IGF1: variants seen among roughly 807,000 people sequenced by gnomAD.
IGF1 encodes insulin like growth factor 1.
In IGF1, 4 loss-of-function variants were observed where a neutral mutation model predicts 13.8. The observed-to-expected ratio is 0.29, with a 90% CI of 0.14 to 0.66. IGF1 has a LOEUF of 0.66. IGF1 is among the 30% of genes least tolerant of loss of function. The pLI is 0.78. For synonymous variants in IGF1, 76 were observed against 72.6 expected, an observed-to-expected ratio of 1.05 and a Z score of -0.23; for missense variants, 124 against 188.5, an observed-to-expected ratio of 0.66 and a Z score of 2.00.
At chr12:102,467,631 C>T (rs1434180579) in intron 2 of IGF1, among the ~76,000 whole-genome samples, 5 of 152,158 alleles carry the variant, frequency 3.3e-5, no homozygotes, top group Admixed American at 1.3e-4. Flanking sequence ...CAAATTTCCA[C>T]AGCGAGGGAG....
intron 3 of IGF1, among the ~76,000 whole-genome samples, chr12:102,403,219 A>ATCTACC (rs1400211971): frequency 6.6e-6 from 1 of 152,282 alleles, no homozygotes; most frequent in East Asian, 1.9e-4. Flanking sequence ...TAACAATAAT[A>ATCTACC]TCTACCTTAT....
intron 3 of IGF1, among the ~76,000 whole-genome samples, chr12:102,403,623 ATTTTTTTT>A (rs142169670): frequency 5.1e-4 from 41 of 80,606 alleles, no homozygotes; most frequent in South Asian, 2.1e-3. Flanking sequence ...TGCCTTGACA[ATTTTTTTT>A]TTTTTTTTTT....
chr12:102,441,954 T>TCTCCTTCTCCTTCTC (rs1877873480), intron 2 of IGF1, among the ~76,000 whole-genome samples: 1 of 140,386 alleles, frequency 7.1e-6, no homozygotes, highest in Non-Finnish European at 1.6e-5. Flanking sequence ...TTCTTCTTCT[T>TCTCCTTCTCCTTCTC]CTTTTTTTTT....
chr12:102,415,591 CTT>C, intron 3 of IGF1: 3 of 147,834 alleles, frequency 2.0e-5, no homozygotes, highest in African/African-American at 7.6e-5. Flanking sequence ...TCCTTCCTTC[CTT>C]CCTTCCCTCC....
chr12:102,448,910 G>C (rs1878637842), intron 2 of IGF1, among the ~76,000 whole-genome samples: 1 of 152,162 alleles, frequency 6.6e-6, no homozygotes, highest in African/African-American at 2.4e-5. Context: ...AGATGCTGGA[G>C]AGGATGTGGA....
chr12:102,477,381 A>T (rs752717223), intron 1 of IGF1, among the ~76,000 whole-genome samples: 8 of 152,156 alleles, frequency 5.3e-5, no homozygotes, highest in Non-Finnish European at 1.2e-4. Flanking sequence ...TTTGCAAATG[A>T]TCATAAATAA....
intron 2 of IGF1, among the ~76,000 whole-genome samples, chr12:102,463,686 C>T (rs1014995615): frequency 7.2e-5 from 11 of 152,120 alleles, no homozygotes; most frequent in African/African-American, 2.4e-4. Context: ...GGTGTTACAC[C>T]AGAAGAATAT....
intron 3 of IGF1, among the ~76,000 whole-genome samples, chr12:102,413,471 G>A (rs1238199589): frequency 1.3e-5 from 2 of 152,126 alleles, no homozygotes; most frequent in Non-Finnish European, 2.9e-5. Flanking sequence ...TGCTCTTTGG[G>A]AGCTCATTTC....
chr12:102,416,173 T>G (rs1875122472), intron 3 of IGF1, among the ~76,000 whole-genome samples: 1 of 152,200 alleles, frequency 6.6e-6, no homozygotes. Context: ...AATAGACTAC[T>G]TGGATGAAAT....
chr12:102,471,081 C>G (rs1449059427), intron 2 of IGF1, among the ~76,000 whole-genome samples: 1 of 152,100 alleles, frequency 6.6e-6, no homozygotes, highest in Admixed American at 6.6e-5. Context: ...CTATTCCATC[C>G]CCGAGGGGTT....
intron 3 of IGF1, among the ~76,000 whole-genome samples, chr12:102,410,351 T>C (rs1169027951): frequency 6.6e-6 from 1 of 152,224 alleles, no homozygotes; most frequent in Non-Finnish European, 1.5e-5. Flanking sequence ...GCTGTTTGTT[T>C]GTGTTACATT....
chr12:102,469,456 T>A (rs1393241569), intron 2 of IGF1, among the ~76,000 whole-genome samples: 1 of 152,186 alleles, frequency 6.6e-6, no homozygotes, highest in Non-Finnish European at 1.5e-5. Flanking sequence ...CTGTCTGAAT[T>A]CAGTCTGTGA....
intron 2 of IGF1, among the ~76,000 whole-genome samples, chr12:102,472,794 G>T (rs1025648777): frequency 6.6e-6 from 1 of 152,140 alleles, no homozygotes; most frequent in Non-Finnish European, 1.5e-5. Context: ...AGGAATAATT[G>T]GCTCAGACAC....
chr12:102,437,961 C>T (rs921714765), intron 2 of IGF1, among the ~76,000 whole-genome samples: 5 of 152,158 alleles, frequency 3.3e-5, no homozygotes, highest in African/African-American at 1.2e-4. Flanking sequence ...ATGACCAGAG[C>T]AGAAACCTAT....
chr12:102,409,008 G>A (rs930897367), intron 3 of IGF1, among the ~76,000 whole-genome samples: 15 of 152,056 alleles, frequency 9.9e-5, no homozygotes, highest in Non-Finnish European at 2.1e-4. Flanking sequence ...TATGCATCTG[G>A]TTTAAATCCT....
intron 2 of IGF1, among the ~76,000 whole-genome samples, chr12:102,462,533 A>T (rs2137206050): frequency 6.6e-6 from 1 of 152,268 alleles, no homozygotes; most frequent in South Asian, 2.1e-4. Flanking sequence ...AGATTTTCAT[A>T]ATTGCATGCA....
intron 2 of IGF1, among the ~76,000 whole-genome samples, chr12:102,428,304 T>G (rs889799913): frequency 1.4e-5 from 2 of 144,938 alleles, no homozygotes; most frequent in African/African-American, 5.0e-5. Context: ...AAGAGAAGTT[T>G]GATGAGAAAA....
At chr12:102,471,776 C>T (rs903598232) in intron 2 of IGF1, among the ~76,000 whole-genome samples, 1 of 151,988 alleles carries the variant, frequency 6.6e-6, no homozygotes, top group Admixed American at 6.6e-5. Context: ...TTAAAAAGAC[C>T]CCAGAAACTC....
At chr12:102,455,954 A>G (rs751396931) in intron 2 of IGF1, among the ~76,000 whole-genome samples, 4 of 152,216 alleles carry the variant, frequency 2.6e-5, no homozygotes, top group Non-Finnish European at 5.9e-5. Flanking sequence ...ATGGCTCCAT[A>G]TCAGGCAGGT....
Sources: gnomAD v4.1 joint callset for allele counts (sites outside exome capture counted in the v4.1 genomes callset) on GRCh38, gnomAD v4.1.1 for gene constraint, MANE v1.5 for transcripts, NCBI Gene and HGNC (gene_info 2026-07-23, HGNC 2026-07-21) for gene names.